ANKS1B: variants seen among roughly 807,000 people sequenced by gnomAD.
The protein encoded by ANKS1B is ankyrin repeat and sterile alpha motif domain-containing protein 1B.
ANKS1B carries 36 observed loss-of-function variants against 148.3 expected under a neutral mutation model. The ratio of observed to expected loss-of-function variants is 0.24; its 90% confidence interval spans 0.19 to 0.32. ANKS1B has a LOEUF of 0.32. ANKS1B is among the 10% of genes least tolerant of loss of function. The probability of loss-of-function intolerance (pLI) is 1.00; values close to 1 mark genes in which losing one functional copy is unlikely to be tolerated. For missense variants in ANKS1B, 1,157 were observed against 1,542.6 expected (o/e 0.75, Z 4.19); for synonymous variants, 542 against 560.8 (o/e 0.97, Z 0.47).
At chr12:98,813,260 G>A (rs1429843105) in intron 19 of ANKS1B, among the ~76,000 whole-genome samples, 2 of 150,672 alleles carry the variant, frequency 1.3e-5, no homozygotes, top group African/African-American at 4.9e-5. Context: ...CACCCAGGCT[G>A]GAGTGCAGTG....
intron 1 of ANKS1B, among the ~76,000 whole-genome samples, chr12:99,872,841 C>A (rs899792248): frequency 6.6e-6 from 1 of 152,052 alleles, no homozygotes; most frequent in African/African-American, 2.4e-5. Flanking sequence ...TATAGATACA[C>A]CAATCCTAAG....
chr12:99,451,914 C>G (rs1448127936), intron 10 of ANKS1B, among the ~76,000 whole-genome samples: 1 of 151,962 alleles, frequency 6.6e-6, no homozygotes, highest in Non-Finnish European at 1.5e-5. Flanking sequence ...GCAAATAAAA[C>G]TAGATAGGTG....
intron 19 of ANKS1B, among the ~76,000 whole-genome samples, chr12:98,817,921 G>C (rs1361125474): frequency 1.3e-5 from 2 of 152,130 alleles, no homozygotes; most frequent in African/African-American, 4.8e-5. Flanking sequence ...GGAAAAGCCA[G>C]GCCAACAGTT....
intron 2 of ANKS1B, among the ~76,000 whole-genome samples, chr12:99,822,358 G>A (rs1440773509): frequency 1.3e-5 from 2 of 152,130 alleles, no homozygotes; most frequent in African/African-American, 2.4e-5. Flanking sequence ...AGATTCAGGG[G>A]ATATATTGTA....
At chr12:99,689,660 C>T (rs1485998496) in intron 8 of ANKS1B, among the ~76,000 whole-genome samples, 1 of 152,166 alleles carries the variant, frequency 6.6e-6, no homozygotes, top group Non-Finnish European at 1.5e-5. Flanking sequence ...CAGAAAAATT[C>T]ATCTGCTGGC....
At chr12:99,877,197 T>C (rs1175991453) in intron 1 of ANKS1B, among the ~76,000 whole-genome samples, 1 of 152,188 alleles carries the variant, frequency 6.6e-6, no homozygotes, top group African/African-American at 2.4e-5. Flanking sequence ...TAAGGTATTA[T>C]ACTCTGACTA....
At chr12:99,600,049 T>C (rs2097788570) in intron 9 of ANKS1B, among the ~76,000 whole-genome samples, 1 of 152,016 alleles carries the variant, frequency 6.6e-6, no homozygotes, top group Admixed American at 6.6e-5. Flanking sequence ...ATTTGTTCAT[T>C]GGTGAATTTT....
chr12:99,835,628 G>A (rs866020253), intron 1 of ANKS1B, among the ~76,000 whole-genome samples: 3 of 151,936 alleles, frequency 2.0e-5, no homozygotes, highest in Non-Finnish European at 4.4e-5. Flanking sequence ...TTCAATATTG[G>A]TGTTTATTTT....
intron 1 of ANKS1B, among the ~76,000 whole-genome samples, chr12:99,979,238 C>T (rs1215285918): frequency 6.6e-6 from 1 of 151,832 alleles, no homozygotes; most frequent in Non-Finnish European, 1.5e-5. Context: ...GGTATAACTG[C>T]AAGCAAACAC....
intron 9 of ANKS1B, among the ~76,000 whole-genome samples, chr12:99,635,075 C>G (rs2098219358): frequency 6.6e-6 from 1 of 152,054 alleles, no homozygotes; most frequent in Admixed American, 6.6e-5. Context: ...ACTTCACAAC[C>G]ATCAGGATGG....
intron 4 of ANKS1B, among the ~76,000 whole-genome samples, chr12:99,804,707 A>G (rs2153659832): frequency 6.6e-6 from 1 of 152,214 alleles, no homozygotes; most frequent in East Asian, 1.9e-4. Context: ...CCCTTTTACA[A>G]TTCACGCCCT....
intron 12 of ANKS1B, among the ~76,000 whole-genome samples, chr12:99,332,977 T>C (rs1566911107): frequency 6.6e-6 from 1 of 151,956 alleles, no homozygotes; most frequent in African/African-American, 2.4e-5. Flanking sequence ...ACTTTGGGAT[T>C]GATCCTACAG....
At chr12:99,134,252 C>G (rs2067123336) in intron 15 of ANKS1B, among the ~76,000 whole-genome samples, 1 of 151,896 alleles carries the variant, frequency 6.6e-6, no homozygotes, top group African/African-American at 2.4e-5. Context: ...GTAAAAAAAG[C>G]TAAAAAAAGA....
intron 1 of ANKS1B, among the ~76,000 whole-genome samples, chr12:99,872,047 T>C (rs1410372737): frequency 6.6e-6 from 1 of 152,114 alleles, no homozygotes; most frequent in Non-Finnish European, 1.5e-5. Flanking sequence ...CATTAGAAAG[T>C]AATAAGGCAA....
At chr12:99,602,434 G>T (rs893394477) in intron 9 of ANKS1B, among the ~76,000 whole-genome samples, 2 of 152,042 alleles carry the variant, frequency 1.3e-5, no homozygotes, top group Non-Finnish European at 2.9e-5. Flanking sequence ...AAAAACAAAA[G>T]AAAACAAAAG....
intron 16 of ANKS1B, among the ~76,000 whole-genome samples, chr12:99,069,350 T>C (rs2045570377): frequency 6.6e-6 from 1 of 152,236 alleles, no homozygotes; most frequent in South Asian, 2.1e-4. Context: ...AATTGATCTC[T>C]CTATATTTAC....
At chr12:99,037,124 T>C (rs1262282540) in intron 17 of ANKS1B, among the ~76,000 whole-genome samples, 6 of 152,212 alleles carry the variant, frequency 3.9e-5, no homozygotes, top group African/African-American at 1.4e-4. Flanking sequence ...ACGTTCAAAA[T>C]GTCTCTGCAG....
chr12:98,850,757 G>A lies in ANKS1B; in HGVS notation c.2779-18621C>T, dbSNP rs1454375170. Among the ~76,000 whole-genome samples, 6 of 147,968 alleles carry A rather than the reference G, an allele frequency of 4.1e-5. 1 individual carries two copies. The highest frequency in any genetic ancestry group is 2.2e-4 in the South Asian group (1 of 4,594). On this transcript the variant is annotated intron_variant, in intron 17 of 26. Coordinates refer to ENST00000683438, the MANE Select transcript of ANKS1B (RefSeq NM_001352186.2). Reference sequence around the variant, plus strand: ...GCTGGGATTACAGGCGTGAGCCACCGCACCCGGCCCAGAGAGGCAATTTTT... The same window carrying A: ...GCTGGGATTACAGGCGTGAGCCACCACACCCGGCCCAGAGAGGCAATTTTT...
chr12:99,473,965 T>G, intron 10 of ANKS1B, among the ~76,000 whole-genome samples: 1 of 152,134 alleles, frequency 6.6e-6, no homozygotes, highest in East Asian at 1.9e-4. Flanking sequence ...TTCCCTAAAC[T>G]AAGATGTCCA....
Sources: gnomAD v4.1 joint callset for allele counts (sites outside exome capture counted in the v4.1 genomes callset) on GRCh38, gnomAD v4.1.1 for gene constraint, MANE v1.5 for transcripts, NCBI Gene and HGNC (gene_info 2026-07-23, HGNC 2026-07-21) for gene names.